The following MAN1C1 variants were observed in gnomAD, a reference collection of about 807,000 sequenced individuals.
MAN1C1 encodes the protein mannosidase alpha class 1C member 1, also known as mannosyl-oligosaccharide 1,2-alpha-mannosidase IC.
A neutral mutation model predicts 71.5 loss-of-function variants in MAN1C1; 49 were observed. The observed-to-expected ratio is 0.69, with a 90% CI of 0.54 to 0.87. The LOEUF is 0.87. MAN1C1 is among the 40% of genes least tolerant of loss of function. The pLI is 0.00. For missense variants in MAN1C1, 743 were observed against 835.0 expected (o/e 0.89, Z 1.36); for synonymous variants, 352 against 343.7 (o/e 1.02, Z -0.27).
rs143407334 is a variant in MAN1C1, at chr1:25,697,053, T to C, written c.637+10517T>C. ...TTATGGCGTGCTTTTTTCCTTGTTA[T>C]TGTATCATGAACACTAGTTTGTTTT... On this transcript the variant is annotated intron_variant, in intron 2 of 11. Coordinates refer to ENST00000374332, the MANE Select transcript of MAN1C1 (RefSeq NM_020379.4). Among the ~76,000 whole-genome samples, 362 of 152,366 alleles carry C rather than the reference T, an allele frequency of 2.4e-3. 2 individuals carry two copies. The highest frequency in any genetic ancestry group is 8.3e-3 in the African/African-American group (347 of 41,592).
intron 7 of MAN1C1, among the ~76,000 whole-genome samples, chr1:25,770,069 A>G (rs2047527426): frequency 6.6e-6 from 1 of 151,728 alleles, no homozygotes; most frequent in African/African-American, 2.4e-5. Flanking sequence ...ACAACCCATG[A>G]CTTCCAGCCT....
In MAN1C1 at chr1:25,711,381, T is replaced by C. The variant is rs1262593961; in HGVS notation, c.637+24845T>C. 6.6e-6 allele frequency among the ~76,000 whole-genome samples: 1 copy of C among 152,114 alleles called. No homozygotes were observed. The highest frequency in any genetic ancestry group is 6.5e-5 in the Admixed American group (1 of 15,280). On this transcript the variant is annotated intron_variant, in intron 2 of 11. Transcript: ENST00000374332. This position sits in a 1 kb window ranked among gnomAD's most constrained non-coding sequence, Gnocchi z 4.3. Reference sequence around the variant, plus strand: ...ATTTTTGCCTTCTATCACACCAGACTCCTTCCCACTCAGACATCTCTAAAG... The same window carrying C: ...ATTTTTGCCTTCTATCACACCAGACCCCTTCCCACTCAGACATCTCTAAAG...
At chr1:25,700,768 A>T (rs2046431302) in intron 2 of MAN1C1, among the ~76,000 whole-genome samples, 1 of 152,226 alleles carries the variant, frequency 6.6e-6, no homozygotes, top group Non-Finnish European at 1.5e-5. Flanking sequence ...GTAGATTTTG[A>T]CAGACATCAG....
At chr1:25,654,849 G>C (rs890602781) in intron 1 of MAN1C1, among the ~76,000 whole-genome samples, 1 of 152,184 alleles carries the variant, frequency 6.6e-6, no homozygotes, top group Admixed American at 6.5e-5. Flanking sequence ...GTTTCACCAT[G>C]TTGGCCGGGA....
chr1:25,640,006 C>T (rs1467874088), intron 1 of MAN1C1, among the ~76,000 whole-genome samples: 1 of 152,182 alleles, frequency 6.6e-6, no homozygotes, highest in Non-Finnish European at 1.5e-5. Context: ...TTACCTTAAG[C>T]CTAATGACTG....
chr1:25,624,182 A>G (rs3754162), intron 1 of MAN1C1, among the ~76,000 whole-genome samples: 25,801 of 152,204 alleles, frequency 0.17, 5,460 homozygotes, highest in African/African-American at 0.49. Flanking sequence ...AAGAATTCCA[A>G]GGACTCAAGG....
At chr1:25,699,007 G>C (rs1227470161) in intron 2 of MAN1C1, among the ~76,000 whole-genome samples, 2 of 150,916 alleles carry the variant, frequency 1.3e-5, no homozygotes, top group African/African-American at 4.9e-5. Flanking sequence ...CTGGAAGCAT[G>C]AATGAAGAAG....
chr1:25,780,903 G>A (rs373713652), intron 9 of MAN1C1, 37 bp from the exon 10 acceptor site: 14 of 1,602,476 alleles, frequency 8.7e-6, no homozygotes, highest in Non-Finnish European at 1.2e-5. Flanking sequence ...GGAGGTGGGA[G>A]GTCTGACCTG....
intron 2 of MAN1C1, among the ~76,000 whole-genome samples, chr1:25,686,902 G>T (rs1182508108): frequency 1.3e-5 from 2 of 152,220 alleles, no homozygotes; most frequent in Non-Finnish European, 2.9e-5. Flanking sequence ...CTCCTCTGGA[G>T]TGTGGCTGTG....
chr1:25,775,556 G>C lies in MAN1C1; in HGVS notation c.1258-2549G>C, dbSNP rs1254394395. ...CACACGGCACTCAGAGTCTGAGAGA[G>C]AGACAGATATACAACAGAAACAGAT... is the stretch of plus-strand genomic sequence containing the variant. On this transcript the variant is annotated intron_variant, in intron 8 of 11. Coordinates refer to ENST00000374332, the MANE Select transcript of MAN1C1 (RefSeq NM_020379.4). This position sits in a 1 kb window ranked among gnomAD's most constrained non-coding sequence, Gnocchi z 5.1. 6.6e-6 allele frequency among the ~76,000 whole-genome samples: 1 copy of C among 152,240 alleles called. No individual in the cohort carries two copies. The highest frequency in any genetic ancestry group is 1.5e-5 in the Non-Finnish European group (1 of 68,038).
intron 1 of MAN1C1, among the ~76,000 whole-genome samples, chr1:25,679,529 C>T (rs1403071985): frequency 1.4e-5 from 2 of 147,754 alleles, no homozygotes; most frequent in Non-Finnish European, 3.0e-5. Flanking sequence ...GTGAAAATAA[C>T]AGCCTCCAGT....
intron 1 of MAN1C1, among the ~76,000 whole-genome samples, chr1:25,656,390 G>A (rs986009908): frequency 6.6e-6 from 1 of 152,004 alleles, no homozygotes; most frequent in Non-Finnish European, 1.5e-5. Context: ...CAGTCACTGC[G>A]CCGGGCCTAT....
Position 25,764,095 on chromosome 1 carries a change from G to A in MAN1C1, c.1141+128G>A, listed in dbSNP as rs2047397047. On this transcript the variant is annotated intron_variant, in intron 7 of 11. Coordinates refer to ENST00000374332, the MANE Select transcript of MAN1C1 (RefSeq NM_020379.4). The surrounding 1 kb of genome is among the most constrained non-coding windows in gnomAD (Gnocchi z 4.4). The stretch of plus-strand genomic sequence containing the variant: ...GAGCCATGCAGCCAGCAAGGCATTC[G>A]CTCGGTGCTCCTGGACACCACCTGC... 4 of 732,644 alleles carry A rather than the reference G, an allele frequency of 5.5e-6. No individual in the cohort carries two copies. Among genetic ancestry groups the A allele is most frequent in the Non-Finnish European group, 6.9e-6 (3 of 433,192 alleles). 45.4% of individuals were successfully genotyped at this position (732,644 alleles called of 1,614,324 possible).
chr1:25,642,026 C>T (rs1239558806), intron 1 of MAN1C1, among the ~76,000 whole-genome samples: 2 of 152,234 alleles, frequency 1.3e-5, no homozygotes, highest in South Asian at 2.1e-4. Context: ...TAACCACATA[C>T]AGATGCATGG....
intron 2 of MAN1C1, among the ~76,000 whole-genome samples, chr1:25,690,332 G>A (rs529368531): frequency 9.7e-5 from 13 of 133,708 alleles, no homozygotes; most frequent in Non-Finnish European, 1.5e-4. Context: ...TTGTTCTGTC[G>A]CCCAGGCTGG....
At chr1:25,726,893 TAAAAAA>T in intron 2 of MAN1C1, among the ~76,000 whole-genome samples, 1 of 127,248 alleles carries the variant, frequency 7.9e-6, no homozygotes, top group Admixed American at 7.9e-5. Flanking sequence ...TCATCTCTAT[TAAAAAA>T]AAAAAAAAAA....
chr1:25,726,816 G>A (rs1170285786), intron 2 of MAN1C1, among the ~76,000 whole-genome samples: 1 of 151,738 alleles, frequency 6.6e-6, no homozygotes, highest in Non-Finnish European at 1.5e-5. Flanking sequence ...ATCACTGCGG[G>A]AGGCCAAGGT....
chr1:25,696,881 A>G (rs2046377388), intron 2 of MAN1C1, among the ~76,000 whole-genome samples: 1 of 152,182 alleles, frequency 6.6e-6, no homozygotes, highest in African/African-American at 2.4e-5. Context: ...TCCTGGCCTC[A>G]AGGGGTCCTC....
In MAN1C1 at chr1:25,779,816, C is replaced by G. The variant is rs1017593425; in HGVS notation, c.1478-1124C>G. Among the ~76,000 whole-genome samples the G allele has an allele frequency of 6.6e-6, 1 of 152,218 alleles. No homozygotes were observed. Among genetic ancestry groups the G allele is most frequent in the African/African-American group, 2.4e-5 (1 of 41,444 alleles). On this transcript the variant is annotated intron_variant, in intron 9 of 11. Transcript: ENST00000374332. This position sits in a 1 kb window ranked among gnomAD's most constrained non-coding sequence, Gnocchi z 4.6. ...GAAGAGCAGGAAGTCCTGCAAACCT[C>G]TAACCCCTGCCTCTAAAGTAAAAGC...
Sources: allele counts gnomAD v4.1 joint callset (sites outside exome capture counted in the v4.1 genomes callset), GRCh38; gene constraint gnomAD v4.1.1; non-coding constraint Gnocchi (gnomAD v3.1); transcripts MANE v1.5; gene names NCBI Gene and HGNC (gene_info 2026-07-23, HGNC 2026-07-21).